Variants in DSCAML1 observed in about 807,000 individuals in gnomAD.
DSCAML1 encodes cell adhesion molecule DSCAML1.
In DSCAML1, 38 loss-of-function variants were observed where a neutral mutation model predicts 200.5. That is an observed-to-expected ratio of 0.19 (90% CI 0.15 to 0.25). DSCAML1 has a LOEUF of 0.25. Ranked by LOEUF, DSCAML1 falls within the 10% of genes least tolerant of loss-of-function variation. The pLI is 1.00. For missense variants in DSCAML1, 2,223 were observed against 2,858.8 expected (o/e 0.78, Z 5.07); for synonymous variants, 1,215 against 1,165.0 (o/e 1.04, Z -0.87).
intron 3 of DSCAML1, among the ~76,000 whole-genome samples, chr11:117,658,063 T>C (rs999397966): frequency 1.3e-5 from 2 of 152,112 alleles, no homozygotes; most frequent in Non-Finnish European, 2.9e-5. Context: ...TTGAGAACAA[T>C]GGCTTTTCCA....
At chr11:117,784,366 G>T (rs921460858) in intron 1 of DSCAML1, among the ~76,000 whole-genome samples, 8 of 152,044 alleles carry the variant, frequency 5.3e-5, no homozygotes, top group Admixed American at 4.6e-4. Context: ...ATTTAGCCTC[G>T]CCCTGCCTGC....
chr11:117,715,477 A>C (rs2053936331), intron 3 of DSCAML1, among the ~76,000 whole-genome samples: 4 of 151,920 alleles, frequency 2.6e-5, no homozygotes, highest in Admixed American at 2.6e-4. Flanking sequence ...AAGTATATCA[A>C]ATGCCTACTA....
At chr11:117,613,200 T>A (rs1053278571) in intron 3 of DSCAML1, among the ~76,000 whole-genome samples, 7 of 152,052 alleles carry the variant, frequency 4.6e-5, no homozygotes, top group African/African-American at 1.7e-4. Flanking sequence ...GAGCATTCTG[T>A]GACTCCAAAC....
chr11:117,783,801 TG>T (rs2134059392), intron 1 of DSCAML1, among the ~76,000 whole-genome samples: 1 of 152,226 alleles, frequency 6.6e-6, no homozygotes, highest in East Asian at 1.9e-4. Flanking sequence ...TTTTTCAGGC[TG>T]GGTACTTTTC....
Position 117,694,057 on chromosome 11 carries a change from T to TTATATATATATATATATATATATA in DSCAML1, c.511+82733_511+82734insTATATATATATATATATATATATA, listed in dbSNP as rs35313833. Reference sequence around the variant, plus strand: ...CCTCTGTCATTTTTAGGTTCTATCTTTATATATATATATATATATATACAC... The same window carrying TTATATATATATATATATATATATA: ...CCTCTGTCATTTTTAGGTTCTATCTTTATATATATATATATATATATATATATATATATATATATATATATACAC... On this transcript the variant is annotated intron_variant, in intron 3 of 32. Transcript: ENST00000651296. Among the ~76,000 whole-genome samples, 1,101 of 115,910 alleles carry TTATATATATATATATATATATATA rather than the reference T, an allele frequency of 9.5e-3. 12 individuals carry two copies. Among genetic ancestry groups the TTATATATATATATATATATATATA allele is most frequent in the Non-Finnish European group, 0.016 (864 of 55,080 alleles). The allele number at this position is 115,910 out of a possible 152,430, so 76.0% of individuals were successfully genotyped here.
chr11:117,752,375 G>A (rs1333214685), intron 3 of DSCAML1, among the ~76,000 whole-genome samples: 1 of 152,198 alleles, frequency 6.6e-6, no homozygotes, highest in Non-Finnish European at 1.5e-5. Flanking sequence ...TAGAGAGGGA[G>A]GGGCTGGGGA....
chr11:117,482,021 A>G lies in DSCAML1; in HGVS notation c.2501T>C (p.Val834Ala). ...KGDTVIDPDRVMRYAIATKDN... is the reference protein window; with the variant it reads ...KGDTVIDPDRAMRYAIATKDN... ...CTTGGTGGCGATGGCATACCGCATG[A>G]CGCGGTCAGGGTCGATGACTGTGTC... The change falls in exon 12 of 33, where the codon GTC becomes GCC. Residue 834 changes from valine to alanine, a missense_variant. Val to Ala is a moderately conservative substitution (Grantham distance 64). Around this residue, in one of 7 missense-constraint regions of DSCAML1, gnomAD observed 438 missense variants for 629.7 expected, o/e 0.70. Coordinates refer to ENST00000651296, the MANE Select transcript of DSCAML1 (RefSeq NM_020693.4). The G allele has an allele frequency of 6.2e-7, 1 of 1,614,130 alleles. No individual in the cohort carries two copies. The highest frequency in any genetic ancestry group is 2.2e-5 in the East Asian group (1 of 44,874).
At chr11:117,589,783 A>G (rs2051222453) in intron 3 of DSCAML1, among the ~76,000 whole-genome samples, 1 of 152,218 alleles carries the variant, frequency 6.6e-6, no homozygotes, top group African/African-American at 2.4e-5. Flanking sequence ...TTCTCAGTTT[A>G]GAAACACTTT....
chr11:117,760,536 T>C (rs2054780304), intron 3 of DSCAML1, among the ~76,000 whole-genome samples: 1 of 152,222 alleles, frequency 6.6e-6, no homozygotes, highest in African/African-American at 2.4e-5. Context: ...TCCACACTGA[T>C]TTGTAAAGCT....
rs547034218 is a variant in DSCAML1 at position 117,437,256 on chromosome 11, C to T, written c.4586G>A (p.Arg1529Gln). The change falls in exon 26 of 33, where the codon CGG becomes CAG. Residue 1529 changes from arginine (R) to glutamine (Q), a missense_variant. This residue lies in a region of DSCAML1 where 614 missense variants were observed against 739.1 expected (regional missense o/e 0.83). Transcript: ENST00000651296. This position sits in a 1 kb window ranked among gnomAD's most constrained non-coding sequence, Gnocchi z 5.3. ...PKGTWAWQGL[R>Q]ANSSGEVFLT... ...AAACACCTCCCCGGAGCTGTTGGCC[C>T]GGAGGCCCTGCCAGGCCCAGGTCCC... 3.1e-5 allele frequency: 50 copies of T among 1,614,190 alleles called. No individual in the cohort carries two copies. The highest frequency in any genetic ancestry group is 9.9e-5 in the South Asian group (9 of 91,088).
intron 3 of DSCAML1, among the ~76,000 whole-genome samples, chr11:117,597,702 C>G (rs373474747): frequency 6.6e-6 from 1 of 152,096 alleles, no homozygotes; most frequent in Non-Finnish European, 1.5e-5. Flanking sequence ...GTGATCCACC[C>G]GCTTCGGCCT....
chr11:117,543,351 A>G (rs1468691135), intron 3 of DSCAML1, among the ~76,000 whole-genome samples: 1 of 151,848 alleles, frequency 6.6e-6, no homozygotes, highest in Non-Finnish European at 1.5e-5. Flanking sequence ...GTGTACCTGC[A>G]CTGGTGTGTG....
intron 3 of DSCAML1, among the ~76,000 whole-genome samples, chr11:117,542,322 C>CACA (rs1224204095): frequency 0.054 from 5,785 of 106,294 alleles, 148 homozygotes; most frequent in Middle Eastern, 0.072. Flanking sequence ...CAAAACAAAA[C>CACA]AAAACACAAA....
intron 3 of DSCAML1, among the ~76,000 whole-genome samples, chr11:117,776,053 G>A (rs7119967): frequency 0.1 from 15,272 of 152,110 alleles, 993 homozygotes; most frequent in African/African-American, 0.18. Context: ...GAAAAATCCC[G>A]CAGTTTTGTA....
chr11:117,577,441 C>G (rs111840761), intron 3 of DSCAML1, among the ~76,000 whole-genome samples: 25,722 of 94,672 alleles, frequency 0.27, 3,279 homozygotes, highest in South Asian at 0.55. Context: ...TCCTTCTTTC[C>G]TTCCTTCCTT....
intron 20 of DSCAML1, among the ~76,000 whole-genome samples, chr11:117,445,683 A>G (rs937807664): frequency 2.0e-5 from 3 of 152,206 alleles, no homozygotes; most frequent in African/African-American, 7.2e-5. Context: ...ATGTGTTTCT[A>G]TGTACATGTG....
At chr11:117,721,294 C>T (rs1400925888) in intron 3 of DSCAML1, among the ~76,000 whole-genome samples, 1 of 152,220 alleles carries the variant, frequency 6.6e-6, no homozygotes, top group Non-Finnish European at 1.5e-5. Flanking sequence ...CCAAAATGTG[C>T]TACAATGTCT....
chr11:117,571,362 T>G (rs1464909235), intron 3 of DSCAML1, among the ~76,000 whole-genome samples: 1 of 152,198 alleles, frequency 6.6e-6, no homozygotes, highest in Non-Finnish European at 1.5e-5. Flanking sequence ...AGGAGGACAC[T>G]GCAGTGCAGA....
chr11:117,428,172 G>C lies in DSCAML1; in HGVS notation c.*156C>G. 3.4e-6 allele frequency: 2 copies of C among 581,320 alleles called. No homozygotes were observed. The highest frequency in any genetic ancestry group is 4.3e-5 in the South Asian group (2 of 46,220). 36.0% of individuals were successfully genotyped at this position (581,320 alleles called of 1,614,324 possible). ...AAAATAGTTTCATTTGTACAAAAGA[G>C]TTCTATGTACAGGCGTTCATGATTG... On this transcript the variant is annotated 3_prime_UTR_variant, in exon 33 of 33. Transcript: ENST00000651296.
Sources: gnomAD v4.1 joint callset for allele counts (sites outside exome capture counted in the v4.1 genomes callset) on GRCh38, gnomAD v4.1.1 for gene constraint, gnomAD v4.1.1 regional missense constraint, Gnocchi (gnomAD v3.1) non-coding constraint, MANE v1.5 for transcripts, NCBI Gene and HGNC (gene_info 2026-07-23, HGNC 2026-07-21) for gene names.